TMEM132C: variants seen among roughly 807,000 people sequenced by gnomAD.
The protein encoded by TMEM132C is transmembrane protein 132C, also known as protein phosphatase 1, regulatory subunit 152.
TMEM132C carries 29 observed loss-of-function variants against 61.4 expected under a neutral mutation model. That is an observed-to-expected ratio of 0.47 (90% CI 0.35 to 0.64). The LOEUF (loss-of-function observed/expected upper bound fraction) is 0.64, where lower values mean the gene tolerates loss of function less well. Among genes scored for constraint, TMEM132C ranks in the 30% least tolerant of loss-of-function variants. The pLI, the probability that TMEM132C is intolerant of heterozygous loss-of-function variation, is 0.00. For missense variants in TMEM132C, 1,408 were observed against 1,476.9 expected, an observed-to-expected ratio of 0.95 and a Z score of 0.76; for synonymous variants, 656 against 633.1, an observed-to-expected ratio of 1.04 and a Z score of -0.54.
At chr12:128,619,531 C>A (rs1953937832) in intron 4 of TMEM132C, among the ~76,000 whole-genome samples, 1 of 152,190 alleles carries the variant, frequency 6.6e-6, no homozygotes, top group Admixed American at 6.5e-5. Context: ...ATTCCCAAGG[C>A]CACCGTTTTG....
rs147877095 is a variant in TMEM132C at position 128,565,630 on chromosome 12, C to T, written c.1121+21527C>T. 6.5e-3 allele frequency among the ~76,000 whole-genome samples: 986 copies of T among 152,082 alleles called. 5 individuals are homozygous for T. Among genetic ancestry groups the T allele is most frequent in the Middle Eastern group, 0.01 (3 of 294 alleles). ...TCACAATAAACCTTTGAGAGCTGGACGGGGTAGTGGGAATTCATGTCACAG... is the reference window on the plus strand; with the variant it reads ...TCACAATAAACCTTTGAGAGCTGGATGGGGTAGTGGGAATTCATGTCACAG... On this transcript the variant is annotated intron_variant, in intron 3 of 8. Transcript: ENST00000435159.
intron 2 of TMEM132C, among the ~76,000 whole-genome samples, chr12:128,525,138 G>A (rs1873039924): frequency 1.3e-5 from 2 of 152,184 alleles, no homozygotes; most frequent in South Asian, 4.1e-4. Context: ...TCAGGAAGGT[G>A]GGCCTTCCTG....
At chr12:128,365,349 G>C (rs1342206782) in intron 1 of TMEM132C, among the ~76,000 whole-genome samples, 1 of 152,148 alleles carries the variant, frequency 6.6e-6, no homozygotes, top group Non-Finnish European at 1.5e-5. Context: ...TGAGTACTCA[G>C]GGAAGCTCTT....
intron 1 of TMEM132C, among the ~76,000 whole-genome samples, chr12:128,305,728 TAAG>T (rs1331932974): frequency 1.3e-4 from 20 of 152,272 alleles, no homozygotes; most frequent in Non-Finnish European, 2.6e-4. Flanking sequence ...TCGCCTATTT[TAAG>T]AAGAACCCTG....
intron 2 of TMEM132C, among the ~76,000 whole-genome samples, chr12:128,462,308 C>T (rs372883238): frequency 1.3e-5 from 2 of 152,026 alleles, no homozygotes; most frequent in Non-Finnish European, 2.9e-5. Context: ...GATTTCTCCA[C>T]GTTGGTCAAG....
chr12:128,464,517 G>A (rs562169782), intron 2 of TMEM132C, among the ~76,000 whole-genome samples: 107 of 152,320 alleles, frequency 7.0e-4, no homozygotes, highest in Admixed American at 4.7e-3. Context: ...GGAGGCTGAA[G>A]CAGGAGGATC....
In TMEM132C at chr12:128,351,881, C is replaced by T. The variant is rs181356739; in HGVS notation, c.86-62851C>T. 7.2e-5 allele frequency among the ~76,000 whole-genome samples: 11 copies of T among 152,290 alleles called. No individual in the cohort carries two copies. In the East Asian group the frequency reaches 1.4e-3, roughly 19 times the overall value. ...ATGTTGAAAGCAGAGCGATGTCATA[C>T]GTGTACATGTATGTGAGTAGGTTTA... On this transcript the variant is annotated intron_variant, in intron 1 of 8. Transcript: ENST00000435159.
intron 1 of TMEM132C, among the ~76,000 whole-genome samples, chr12:128,350,179 A>G (rs1486105878): frequency 2.0e-5 from 3 of 152,286 alleles, no homozygotes; most frequent in East Asian, 3.9e-4. Context: ...CGTTTATTCA[A>G]CTAATGTTGA....
chr12:128,319,367 G>GAGAGAC (rs1176227637), intron 1 of TMEM132C, among the ~76,000 whole-genome samples: 1 of 149,576 alleles, frequency 6.7e-6, no homozygotes, highest in Non-Finnish European at 1.5e-5. Context: ...GAGAGAGAGA[G>GAGAGAC]AGAGACAGAG....
At chr12:128,497,773 G>T (rs142418110) in intron 2 of TMEM132C, among the ~76,000 whole-genome samples, 3 of 152,058 alleles carry the variant, frequency 2.0e-5, no homozygotes, top group African/African-American at 7.3e-5. Flanking sequence ...GACCCCTTGC[G>T]CTTCCCTGGT....
At position 128,272,529 on chromosome 12, in the gene TMEM132C, A is replaced by G. The variant is rs576961237; in HGVS notation, c.85+5042A>G. ...TTTCATTTCTCCTGAGTAACTAGCTAGGATTGGGATTGCTAGGTTGTATGC... is the reference window on the plus strand; with the variant it reads ...TTTCATTTCTCCTGAGTAACTAGCTGGGATTGGGATTGCTAGGTTGTATGC... On this transcript the variant is annotated intron_variant, in intron 1 of 8. Transcript: ENST00000435159. Among the ~76,000 whole-genome samples the G allele has an allele frequency of 6.6e-5, 10 of 152,358 alleles. No homozygotes were observed. In the East Asian group the frequency reaches 1.7e-3, roughly 26 times the overall value.
chr12:128,410,544 AGGT>A (rs886841439), intron 1 of TMEM132C, among the ~76,000 whole-genome samples: 1 of 152,028 alleles, frequency 6.6e-6, no homozygotes, highest in Non-Finnish European at 1.5e-5. Flanking sequence ...CTGGGACTAC[AGGT>A]GCACCCCACC....
At chr12:128,431,284 A>G (rs1393256542) in intron 2 of TMEM132C, among the ~76,000 whole-genome samples, 2 of 152,212 alleles carry the variant, frequency 1.3e-5, no homozygotes, top group African/African-American at 4.8e-5. Context: ...GTGAAAAAGA[A>G]TTCTGTGAAG....
chr12:128,305,219 A>T (rs988682320), intron 1 of TMEM132C, among the ~76,000 whole-genome samples: 7 of 152,150 alleles, frequency 4.6e-5, no homozygotes, highest in East Asian at 1.9e-4. Context: ...CAATAATAAT[A>T]ATTATTATTA....
chr12:128,520,921 G>A (rs1236919120), intron 2 of TMEM132C, among the ~76,000 whole-genome samples: 1 of 151,796 alleles, frequency 6.6e-6, no homozygotes, highest in East Asian at 1.9e-4. Flanking sequence ...GTTCCCGTGT[G>A]TTTTCTTTGC....
At chr12:128,608,531 A>G (rs944450821) in intron 3 of TMEM132C, among the ~76,000 whole-genome samples, 2 of 152,220 alleles carry the variant, frequency 1.3e-5, no homozygotes, top group African/African-American at 4.8e-5. Flanking sequence ...TGTTCAGTTC[A>G]GAACCCAGAG....
chr12:128,682,335 C>T (rs1228919681), intron 5 of TMEM132C, among the ~76,000 whole-genome samples: 1 of 152,218 alleles, frequency 6.6e-6, no homozygotes, highest in Non-Finnish European at 1.5e-5. Context: ...CCCAGCACCT[C>T]CTCTCCATTT....
intron 1 of TMEM132C, among the ~76,000 whole-genome samples, chr12:128,313,143 C>G: frequency 6.6e-6 from 1 of 152,218 alleles, no homozygotes; most frequent in East Asian, 1.9e-4. Flanking sequence ...AAGGCAGGCT[C>G]GGGGCAGCAC....
chr12:128,502,827 T>C (rs932583916), intron 2 of TMEM132C, among the ~76,000 whole-genome samples: 5 of 152,316 alleles, frequency 3.3e-5, no homozygotes, highest in African/African-American at 9.6e-5. Context: ...CAAATTGTGG[T>C]GGAGGCCTTG....
Sources: allele counts gnomAD v4.1 joint callset (sites outside exome capture counted in the v4.1 genomes callset), GRCh38; gene constraint gnomAD v4.1.1; transcripts MANE v1.5; gene names NCBI Gene and HGNC (gene_info 2026-07-23, HGNC 2026-07-21).